The following GATAD1 variants were observed in gnomAD, a reference collection of about 807,000 sequenced individuals.
GATAD1 encodes GATA zinc finger domain containing 1.
GATAD1 carries 12 observed loss-of-function variants against 26.5 expected under a neutral mutation model. The observed-to-expected ratio is 0.45, with a 90% CI of 0.29 to 0.73. The LOEUF (loss-of-function observed/expected upper bound fraction) is 0.73, where lower values mean the gene tolerates loss of function less well. Among genes scored for constraint, GATAD1 ranks in the 30% least tolerant of loss-of-function variants. The pLI is 0.10. For missense variants in GATAD1, 266 were observed against 342.1 expected (o/e 0.78, Z 1.75); for synonymous variants, 129 against 133.1 (o/e 0.97, Z 0.21).
chr7:92,470,366 G>T, the GATAD1 span: 1 of 710,090 alleles, frequency 1.4e-6, no homozygotes, highest in Non-Finnish European at 2.6e-6. Context: ...AGAAAAATAT[G>T]ATAAGGGAGG....
the GATAD1 span, among the ~76,000 whole-genome samples, chr7:92,476,940 G>A: frequency 1.3e-5 from 2 of 152,160 alleles, no homozygotes; most frequent in African/African-American, 4.8e-5. Context: ...TACCTAGGAG[G>A]CAGGGATCAG....
the GATAD1 span, chr7:92,469,684 G>A: frequency 1.3e-6 from 1 of 764,398 alleles, no homozygotes; most frequent in East Asian, 2.4e-5. Flanking sequence ...GGTGAGGTTT[G>A]AGGTATGGGT....
the GATAD1 span, among the ~76,000 whole-genome samples, chr7:92,476,544 G>A: frequency 3.9e-5 from 6 of 152,074 alleles, no homozygotes. Context: ...GGCTTTTAAA[G>A]GAATAGGGCA....
chr7:92,493,818 A>T, the GATAD1 span: 3 of 187,958 alleles, frequency 1.6e-5, no homozygotes, highest in South Asian at 1.1e-4. Flanking sequence ...TTGACTATTC[A>T]TTTGTCTATC....
the GATAD1 span, chr7:92,487,592 A>C: frequency 6.3e-6 from 5 of 793,550 alleles, no homozygotes; most frequent in Admixed American, 8.3e-5. Flanking sequence ...CCATTACAAA[A>C]CAAAAGATAA....
chr7:92,487,685 TA>T, the GATAD1 span: 2 of 462,544 alleles, frequency 4.3e-6, no homozygotes, highest in African/African-American at 4.1e-5. Flanking sequence ...TCACAGAAAT[TA>T]AAAAGAATTC....
At chr7:92,461,953 A>G (rs1478750680), downstream of GATAD1, among the ~76,000 whole-genome samples, 1 of 152,240 alleles carries the variant, frequency 6.6e-6, no homozygotes, top group African/African-American at 2.4e-5. Flanking sequence ...GTGAATTCCA[A>G]GGGCAGAGAC....
the GATAD1 span, among the ~76,000 whole-genome samples, chr7:92,476,662 GTCTCTCTCTCTTTCTCCTCCATT>G: frequency 1.0e-4 from 15 of 150,266 alleles, no homozygotes; most frequent in South Asian, 3.2e-3. Context: ...TCTCCTCTCT[GTCTCTCTCTCTTTCTCCTCCATT>G]TCTCTCTCTC....
the GATAD1 span, among the ~76,000 whole-genome samples, chr7:92,475,717 C>T: frequency 1.3e-5 from 2 of 152,284 alleles, no homozygotes; most frequent in East Asian, 1.9e-4. Context: ...TCTAGTGGTC[C>T]TTTACCAGCA....
At chr7:92,464,522 C>T (rs1430470745), downstream of GATAD1, among the ~76,000 whole-genome samples, 2 of 152,224 alleles carry the variant, frequency 1.3e-5, no homozygotes, top group African/African-American at 4.8e-5. Context: ...ACATTCAGGC[C>T]TACCACAGTC....
chr7:92,477,138 T>A, the GATAD1 span, among the ~76,000 whole-genome samples: 3 of 152,186 alleles, frequency 2.0e-5, no homozygotes, highest in Non-Finnish European at 4.4e-5. Flanking sequence ...TTTCTGCCTC[T>A]AGTCGGCCCT....
the GATAD1 span, chr7:92,487,281 G>A: frequency 1.2e-5 from 6 of 480,054 alleles, no homozygotes; most frequent in Non-Finnish European, 2.2e-5. Context: ...TTATACTACA[G>A]TATTAATCTC....
the GATAD1 span, chr7:92,493,424 C>T: frequency 5.5e-6 from 1 of 181,242 alleles, no homozygotes; most frequent in Admixed American, 6.0e-5. Flanking sequence ...CACTTGAGCC[C>T]TGGAGTTCAA....
the GATAD1 span, among the ~76,000 whole-genome samples, chr7:92,475,575 A>G: frequency 1.3e-5 from 2 of 150,114 alleles, no homozygotes; most frequent in Non-Finnish European, 3.0e-5. Context: ...CTCAGGGGTG[A>G]GTTCCTTTCC....
At chr7:92,455,856 C>T (rs531264372) in intron 4 of GATAD1, among the ~76,000 whole-genome samples, 2 of 152,188 alleles carry the variant, frequency 1.3e-5, no homozygotes, top group South Asian at 2.1e-4. Context: ...GAATCACCTT[C>T]GGGATTCCTC....
downstream of GATAD1, among the ~76,000 whole-genome samples, chr7:92,463,598 G>C (rs1789998843): frequency 6.6e-6 from 1 of 151,376 alleles, no homozygotes; most frequent in African/African-American, 2.4e-5. Flanking sequence ...GGGAGTCGGA[G>C]CTTGCAGTGA....
the GATAD1 span, chr7:92,490,133 A>G: frequency 4.9e-4 from 280 of 573,758 alleles, no homozygotes; most frequent in Middle Eastern, 1.4e-3. Context: ...GAAAATTGCC[A>G]TAACACAGGG....
the GATAD1 span, chr7:92,470,477 C>A: frequency 1.7e-6 from 1 of 599,848 alleles, no homozygotes; most frequent in South Asian, 2.1e-5. Context: ...GCGTTGTCTC[C>A]TGGATTTTCA....
At chr7:92,487,775 G>A in the GATAD1 span, among the ~76,000 whole-genome samples, 1 of 151,136 alleles carries the variant, frequency 6.6e-6, no homozygotes, top group Non-Finnish European at 1.5e-5. Flanking sequence ...AAATACAAAT[G>A]ACAATGAATA....
Sources: allele counts gnomAD v4.1 joint callset (sites outside exome capture counted in the v4.1 genomes callset), GRCh38; gene constraint gnomAD v4.1.1; transcripts MANE v1.5; gene names NCBI Gene and HGNC (gene_info 2026-07-23, HGNC 2026-07-21).